The following CNTNAP2 variants were observed in gnomAD, a reference collection of about 807,000 sequenced individuals.
The protein encoded by CNTNAP2 is contactin associated protein 2, also known as contactin-associated protein-like 2.
CNTNAP2 carries 98 observed loss-of-function variants against 155.2 expected under a neutral mutation model. The observed-to-expected ratio is 0.63, with a 90% CI of 0.54 to 0.75. The LOEUF (loss-of-function observed/expected upper bound fraction) is 0.75, where lower values mean the gene tolerates loss of function less well. Ranked by LOEUF, CNTNAP2 falls within the 30% of genes least tolerant of loss-of-function variation. CNTNAP2 has a pLI of 0.00. For missense variants in CNTNAP2, 1,727 were observed against 1,688.1 expected (o/e 1.02, Z -0.40); for synonymous variants, 651 against 631.2 (o/e 1.03, Z -0.47).
chr7:147,074,633 T>C (rs746055450), intron 4 of CNTNAP2, among the ~76,000 whole-genome samples: 1 of 152,154 alleles, frequency 6.6e-6, no homozygotes, highest in East Asian at 1.9e-4. Context: ...TAGAATGATA[T>C]GAATAAATAG....
chr7:146,590,732 A>G (rs1291343856), intron 1 of CNTNAP2, among the ~76,000 whole-genome samples: 1 of 152,128 alleles, frequency 6.6e-6, no homozygotes, highest in African/African-American at 2.4e-5. Flanking sequence ...GAGCTGTGAT[A>G]TGTTTCTGTG....
At chr7:146,347,566 T>C (rs1352422491) in intron 1 of CNTNAP2, among the ~76,000 whole-genome samples, 3 of 152,210 alleles carry the variant, frequency 2.0e-5, no homozygotes, top group Non-Finnish European at 4.4e-5. Context: ...TGGCTTTTTT[T>C]ATTTGTTTGT....
intron 10 of CNTNAP2, among the ~76,000 whole-genome samples, chr7:147,483,280 AGGCTG>A (rs1402765769): frequency 1.3e-5 from 2 of 152,146 alleles, no homozygotes; most frequent in East Asian, 3.9e-4. Flanking sequence ...ATTATGTGGG[AGGCTG>A]TGCATAGGTT....
At chr7:147,981,817 G>GTGTGTGTGTGTGTGTGTGT (rs758963411) in intron 15 of CNTNAP2, among the ~76,000 whole-genome samples, 6 of 138,922 alleles carry the variant, frequency 4.3e-5, no homozygotes, top group South Asian at 4.6e-4. Flanking sequence ...GTGTGTGTGT[G>GTGTGTGTGTGTGTGTGTGT]GTTTTTTTTT....
At chr7:147,798,271 A>G (rs940839194) in intron 13 of CNTNAP2, among the ~76,000 whole-genome samples, 1 of 152,158 alleles carries the variant, frequency 6.6e-6, no homozygotes, top group Non-Finnish European at 1.5e-5. Flanking sequence ...ATACCACCCA[A>G]CCGAGAAATA....
intron 1 of CNTNAP2, among the ~76,000 whole-genome samples, chr7:146,208,135 CTTAT>C (rs1404827735): frequency 6.6e-6 from 1 of 151,864 alleles, no homozygotes; most frequent in Non-Finnish European, 1.5e-5. Flanking sequence ...GACTTATTTA[CTTAT>C]TTATTTACTT....
intron 12 of CNTNAP2, among the ~76,000 whole-genome samples, chr7:147,600,255 A>C (rs1259143068): frequency 1.3e-5 from 2 of 152,134 alleles, no homozygotes; most frequent in African/African-American, 2.4e-5. Flanking sequence ...ACAGAGCAAA[A>C]GTATTTTTCT....
chr7:147,219,838 C>G (rs1241595426), intron 8 of CNTNAP2, among the ~76,000 whole-genome samples: 1 of 152,006 alleles, frequency 6.6e-6, no homozygotes, highest in Non-Finnish European at 1.5e-5. Context: ...TGCAGTGGCG[C>G]CATCTCGGCT....
intron 9 of CNTNAP2, among the ~76,000 whole-genome samples, chr7:147,326,630 A>G (rs1795464404): frequency 6.6e-6 from 1 of 152,214 alleles, no homozygotes; most frequent in African/African-American, 2.4e-5. Flanking sequence ...CAATGACACG[A>G]TTTTACATCC....
At position 146,927,979 on chromosome 7, in the gene CNTNAP2, A is replaced by AAT. The variant is rs1263926144; in HGVS notation, c.402+88084_402+88085dup. On this transcript the variant is annotated intron_variant, in intron 3 of 23. Transcript: ENST00000361727. ...GTGTGTGTATATATATATATATATA[A>AAT]ATATATATATGTATATGCATATAAT... Among the ~76,000 whole-genome samples the AAT allele has an allele frequency of 3.5e-5, 5 of 144,094 alleles. No homozygotes were observed. The East Asian group carries it at 5.9e-4, about 17-fold the overall frequency. The allele number at this position is 144,094 out of a possible 152,430, so 94.5% of individuals were successfully genotyped here.
chr7:147,102,884 G>C (rs1055917214), intron 4 of CNTNAP2, among the ~76,000 whole-genome samples: 3 of 152,136 alleles, frequency 2.0e-5, no homozygotes, highest in Non-Finnish European at 4.4e-5. Flanking sequence ...TTCTAGGACT[G>C]AGTCAATTTA....
rs138697822 is a variant in CNTNAP2 at position 146,588,136 on chromosome 7, C to G, written c.98-186135C>G. Among the ~76,000 whole-genome samples, 712 of 152,180 alleles carry G rather than the reference C, an allele frequency of 4.7e-3. 5 individuals are homozygous for G. Among genetic ancestry groups the G allele is most frequent in the African/African-American group, 0.016 (657 of 41,520 alleles). On this transcript the variant is annotated intron_variant, in intron 1 of 23. Coordinates refer to ENST00000361727, the MANE Select transcript of CNTNAP2 (RefSeq NM_014141.6). ...GGGAGTCAGCTGTAGGCTCTATACTCTCTCCCACCTTCAGAAGTTTTCAGT... is the reference window on the plus strand; with the variant it reads ...GGGAGTCAGCTGTAGGCTCTATACTGTCTCCCACCTTCAGAAGTTTTCAGT...
chr7:146,334,547 G>A (rs1279755943), intron 1 of CNTNAP2, among the ~76,000 whole-genome samples: 2 of 151,644 alleles, frequency 1.3e-5, no homozygotes, highest in African/African-American at 4.8e-5. Flanking sequence ...CATGGCACCT[G>A]AGAGTTTGAA....
At chr7:146,631,458 C>T (rs963687551) in intron 1 of CNTNAP2, among the ~76,000 whole-genome samples, 1 of 152,146 alleles carries the variant, frequency 6.6e-6, no homozygotes, top group African/African-American at 2.4e-5. Context: ...ATCCCTGAAA[C>T]TCCAAGGCTT....
intron 1 of CNTNAP2, among the ~76,000 whole-genome samples, chr7:146,229,956 T>C (rs1443380126): frequency 6.6e-6 from 1 of 152,184 alleles, no homozygotes; most frequent in African/African-American, 2.4e-5. Context: ...AAAAAGTGTC[T>C]CTGATAGTCA....
chr7:146,626,907 T>G (rs780458967), intron 1 of CNTNAP2, among the ~76,000 whole-genome samples: 34 of 152,124 alleles, frequency 2.2e-4, no homozygotes, highest in Non-Finnish European at 3.1e-4. Context: ...CTTCATTGGG[T>G]CATCTCTAAT....
intron 3 of CNTNAP2, among the ~76,000 whole-genome samples, chr7:146,930,754 A>G (rs1177794176): frequency 6.6e-6 from 1 of 152,158 alleles, no homozygotes; most frequent in Non-Finnish European, 1.5e-5. Context: ...TACCAAGCAA[A>G]TGGAAAACAA....
At chr7:147,189,920 A>G (rs1403599369) in intron 8 of CNTNAP2, among the ~76,000 whole-genome samples, 1 of 151,862 alleles carries the variant, frequency 6.6e-6, no homozygotes, top group East Asian at 1.9e-4. Flanking sequence ...AATTTTTTGT[A>G]TTTTTAGTAG....
At chr7:148,331,518 GGAT>G (rs1798011534) in intron 21 of CNTNAP2, among the ~76,000 whole-genome samples, 1 of 125,814 alleles carries the variant, frequency 7.9e-6, no homozygotes, top group Non-Finnish European at 1.5e-5. Flanking sequence ...ATGGATGGAT[GGAT>G]GGAATGGATG....
Sources: gnomAD v4.1 joint callset for allele counts (sites outside exome capture counted in the v4.1 genomes callset) on GRCh38, gnomAD v4.1.1 for gene constraint, MANE v1.5 for transcripts, NCBI Gene and HGNC (gene_info 2026-07-23, HGNC 2026-07-21) for gene names.